The following CSMD1 variants were observed in gnomAD, a reference collection of about 807,000 sequenced individuals.
The protein encoded by CSMD1 is CUB and Sushi multiple domains 1.
Under a neutral mutation model 417.5 loss-of-function variants are expected in CSMD1, and 213 were observed. The ratio of observed to expected loss-of-function variants is 0.51; its 90% CI spans 0.46 to 0.57. CSMD1 has a LOEUF of 0.57. CSMD1 is among the 20% of genes least tolerant of loss of function. CSMD1 has a pLI of 0.00. For missense variants in CSMD1, 6,923 were observed against 4,529.7 expected, an observed-to-expected ratio of 1.53 and a Z score of -15.17; for synonymous variants, 2,862 against 1,736.8, an observed-to-expected ratio of 1.65 and a Z score of -16.11.
intron 8 of CSMD1, among the ~76,000 whole-genome samples, chr8:3,602,624 C>A (rs957159027): frequency 6.6e-6 from 1 of 151,870 alleles, no homozygotes; most frequent in Non-Finnish European, 1.5e-5. Context: ...ATATGGCAAA[C>A]ACATGGCTAA....
At chr8:2,950,864 G>C (rs1420689215) in intron 66 of CSMD1, among the ~76,000 whole-genome samples, 1 of 152,140 alleles carries the variant, frequency 6.6e-6, no homozygotes, top group Non-Finnish European at 1.5e-5. Context: ...ACGAATCTCA[G>C]ATTCTTGACT....
chr8:2,965,742 C>T (rs1435132387), intron 59 of CSMD1, 33 bp downstream of exon 59: 3 of 1,559,982 alleles, frequency 1.9e-6, no homozygotes, highest in African/African-American at 2.7e-5. Flanking sequence ...CTTCTATACA[C>T]ATCTGTAAAA....
At chr8:4,456,941 A>T (rs1481877768) in intron 2 of CSMD1, among the ~76,000 whole-genome samples, 1 of 149,654 alleles carries the variant, frequency 6.7e-6, no homozygotes, top group East Asian at 2.0e-4. Context: ...GAGCATGGCA[A>T]TTCCTCTGAT....
intron 7 of CSMD1, among the ~76,000 whole-genome samples, chr8:3,661,702 G>A (rs13258393): frequency 0.21 from 31,269 of 151,566 alleles, 4,127 homozygotes; most frequent in Middle Eastern, 0.31. Flanking sequence ...TCACCATGTT[G>A]GTCAGGCTAG....
At chr8:4,067,946 G>A (rs906081761) in intron 3 of CSMD1, among the ~76,000 whole-genome samples, 6 of 152,176 alleles carry the variant, frequency 3.9e-5, no homozygotes, top group African/African-American at 1.4e-4. Context: ...GCATGGTGGT[G>A]CGCTCCTGTA....
chr8:2,942,425 T>C (rs752857280), intron 69 of CSMD1, 47 bp downstream of exon 69: 6 of 1,550,814 alleles, frequency 3.9e-6, no homozygotes, highest in African/African-American at 2.7e-5. Flanking sequence ...TTTAAACCCA[T>C]AGTTTACACT....
At chr8:4,451,973 GATATAC>G (rs1393118984) in intron 2 of CSMD1, among the ~76,000 whole-genome samples, 4 of 148,634 alleles carry the variant, frequency 2.7e-5, no homozygotes, top group Admixed American at 2.0e-4. Context: ...TATATAATTT[GATATAC>G]ATATAGTTTG....
intron 5 of CSMD1, among the ~76,000 whole-genome samples, chr8:3,807,240 A>G (rs1800794550): frequency 6.6e-6 from 1 of 152,224 alleles, no homozygotes; most frequent in Admixed American, 6.5e-5. Flanking sequence ...ATTTAATGCC[A>G]TAGTAATTTC....
rs150169256 is a variant in CSMD1, at chr8:3,646,872, C to G, written c.1010-30075G>C. ...CCTCTCTGGCTGAATTTGGGTCACACGAGCCTGTTCCTCTAGTTTTGATGA... is the reference window on the plus strand; with the variant it reads ...CCTCTCTGGCTGAATTTGGGTCACAGGAGCCTGTTCCTCTAGTTTTGATGA... On this transcript the variant is annotated intron_variant, in intron 7 of 69. Transcript: ENST00000635120. 4.0e-3 allele frequency among the ~76,000 whole-genome samples: 616 copies of G among 152,236 alleles called. 2 individuals carry two copies. The highest frequency in any genetic ancestry group is 0.012 in the African/African-American group (490 of 41,524).
intron 6 of CSMD1, among the ~76,000 whole-genome samples, chr8:3,721,914 T>C (rs945730566): frequency 2.6e-5 from 4 of 152,112 alleles, no homozygotes; most frequent in African/African-American, 9.7e-5. Flanking sequence ...CAATGGGAAG[T>C]ACTGATGCAT....
chr8:3,107,646 T>A (rs538098609), intron 45 of CSMD1, 72 bp downstream of exon 45: 2 of 836,564 alleles, frequency 2.4e-6, no homozygotes, highest in South Asian at 3.0e-5. Context: ...GTCTGAGTAA[T>A]GATTACAATG....
At chr8:3,958,548 C>T (rs1025060253) in intron 5 of CSMD1, among the ~76,000 whole-genome samples, 11 of 152,086 alleles carry the variant, frequency 7.2e-5, no homozygotes, top group African/African-American at 2.7e-4. Flanking sequence ...TATTCATTTA[C>T]TGAGGTATCA....
chr8:4,352,434 C>A (rs1343404194), intron 3 of CSMD1, among the ~76,000 whole-genome samples: 2 of 152,086 alleles, frequency 1.3e-5, no homozygotes, highest in Admixed American at 6.5e-5. Context: ...TCCTTTTCAA[C>A]TCAAAAAAAT....
intron 5 of CSMD1, among the ~76,000 whole-genome samples, chr8:3,973,369 A>C (rs1434281086): frequency 6.6e-6 from 1 of 152,208 alleles, no homozygotes; most frequent in Admixed American, 6.5e-5. Flanking sequence ...AAGAATATTT[A>C]ACTTTCATGT....
At chr8:3,384,324 C>G (rs1810833373) in intron 18 of CSMD1, among the ~76,000 whole-genome samples, 1 of 152,094 alleles carries the variant, frequency 6.6e-6, no homozygotes, top group African/African-American at 2.4e-5. Context: ...ATTTTTAAAT[C>G]AAATCAGGCA....
intron 5 of CSMD1, among the ~76,000 whole-genome samples, chr8:3,788,157 T>C (rs923950929): frequency 6.6e-6 from 1 of 152,218 alleles, no homozygotes; most frequent in Non-Finnish European, 1.5e-5. Context: ...AAATCATTTG[T>C]AAAACAAGGG....
intron 5 of CSMD1, among the ~76,000 whole-genome samples, chr8:3,925,259 GA>G (rs1272381638): frequency 1.3e-5 from 2 of 152,188 alleles, no homozygotes; most frequent in Non-Finnish European, 2.9e-5. Flanking sequence ...TGCATTTGGG[GA>G]ATGTGCTTCA....
intron 1 of CSMD1, among the ~76,000 whole-genome samples, chr8:4,890,698 G>A (rs1468857835): frequency 6.6e-6 from 1 of 152,122 alleles, no homozygotes; most frequent in African/African-American, 2.4e-5. Context: ...CTTTGGTTTT[G>A]TTCTGCATGT....
At chr8:3,251,521 G>A (rs997086727) in intron 26 of CSMD1, among the ~76,000 whole-genome samples, 33 of 152,080 alleles carry the variant, frequency 2.2e-4, no homozygotes, top group African/African-American at 7.5e-4. Context: ...TTGTTCTCTT[G>A]GCTTAGGATT....
Sources: gnomAD v4.1 joint callset for allele counts (sites outside exome capture counted in the v4.1 genomes callset) on GRCh38, gnomAD v4.1.1 for gene constraint, MANE v1.5 for transcripts, NCBI Gene and HGNC (gene_info 2026-07-23, HGNC 2026-07-21) for gene names.